Variants in CACNA1D observed in about 807,000 individuals in gnomAD.
CACNA1D encodes calcium voltage-gated channel subunit alpha1 D.
CACNA1D carries 55 observed loss-of-function variants against 257.1 expected under a neutral mutation model. The ratio of observed to expected loss-of-function variants is 0.21; its 90% CI spans 0.17 to 0.27. The LOEUF (loss-of-function observed/expected upper bound fraction) is 0.27, where lower values mean the gene tolerates loss of function less well. Among genes scored for constraint, CACNA1D ranks in the 10% least tolerant of loss-of-function variants. The pLI is 1.00. For synonymous variants in CACNA1D, 980 were observed against 1,014.9 expected (o/e 0.97, Z 0.65); for missense variants, 1,876 against 2,784.0 (o/e 0.67, Z 7.34).
chr3:53,645,861 T>C (rs1320741200), intron 3 of CACNA1D, among the ~76,000 whole-genome samples: 1 of 151,986 alleles, frequency 6.6e-6, no homozygotes, highest in Non-Finnish European at 1.5e-5. Flanking sequence ...GGAGACTGTT[T>C]TAGAAAGAAG....
At chr3:53,699,254 G>A (rs1167990922) in intron 8 of CACNA1D, among the ~76,000 whole-genome samples, 2 of 152,138 alleles carry the variant, frequency 1.3e-5, no homozygotes, top group Non-Finnish European at 2.9e-5. Context: ...ACGGGTTTGT[G>A]GCAGCTTAGA....
chr3:53,738,345 G>T (rs1483018688), intron 20 of CACNA1D, among the ~76,000 whole-genome samples: 1 of 152,188 alleles, frequency 6.6e-6, no homozygotes, highest in Non-Finnish European at 1.5e-5. Context: ...CATGGTGCGT[G>T]TTAGTGTCAA....
At chr3:53,769,713 C>G (rs1181100299) in intron 30 of CACNA1D, among the ~76,000 whole-genome samples, 1 of 152,214 alleles carries the variant, frequency 6.6e-6, no homozygotes, top group Admixed American at 6.5e-5. Context: ...GCAGCACTGC[C>G]TTTACTGGAT....
intron 9 of CACNA1D, chr3:53,710,475 C>T: frequency 2.2e-6 from 1 of 456,776 alleles, no homozygotes; most frequent in Non-Finnish European, 4.4e-6. Context: ...GGCTAAAGAT[C>T]ATGGTAAATT....
chr3:53,508,626 G>A (rs1057292193), intron 3 of CACNA1D, among the ~76,000 whole-genome samples: 5 of 152,188 alleles, frequency 3.3e-5, no homozygotes, highest in African/African-American at 9.7e-5. Context: ...GATTGCATCA[G>A]AAACAGAGAC....
chr3:53,708,281 A>G (rs2094713199), intron 9 of CACNA1D, among the ~76,000 whole-genome samples: 2 of 152,256 alleles, frequency 1.3e-5, no homozygotes, highest in Non-Finnish European at 1.5e-5. Flanking sequence ...TCAAGGCACA[A>G]GTTCAAAATG....
At position 53,802,066 on chromosome 3, in the gene CACNA1D, C is replaced by A. The variant is rs188761869; in HGVS notation, c.5409-81C>A. ...TGCTAACCCCTACTCTAGGAGGTAG[C>A]CTGATGTTTGCATTGTAAATTTGGT... On this transcript the variant is annotated intron_variant, in intron 42 of 47. Coordinates refer to ENST00000350061, the MANE Select transcript of CACNA1D (RefSeq NM_001128840.3). The A allele has an allele frequency of 4.6e-4, 560 of 1,220,686 alleles. 2 individuals carry two copies. In the African/African-American group the frequency reaches 6.8e-3, roughly 15 times the overall value. The allele number at this position is 1,220,686 out of a possible 1,614,324, so 75.6% of individuals were successfully genotyped here. A position where few individuals can be genotyped will look rare whatever the true frequency, so the allele number is the denominator to read the frequency against.
chr3:53,518,388 C>T (rs1346301614), intron 3 of CACNA1D, among the ~76,000 whole-genome samples: 1 of 152,188 alleles, frequency 6.6e-6, no homozygotes, highest in African/African-American at 2.4e-5. Context: ...AATGAAGCAT[C>T]ACTCTGTCTG....
chr3:53,632,851 C>G, intron 3 of CACNA1D, among the ~76,000 whole-genome samples: 1 of 152,138 alleles, frequency 6.6e-6, no homozygotes, highest in Admixed American at 6.5e-5. Context: ...TGTGATGTCT[C>G]CAAACAATTA....
At chr3:53,513,507 G>A (rs549095381) in intron 3 of CACNA1D, among the ~76,000 whole-genome samples, 3 of 152,182 alleles carry the variant, frequency 2.0e-5, no homozygotes, top group Non-Finnish European at 4.4e-5. Flanking sequence ...GGTGGCACAC[G>A]CCTGTGATTG....
chr3:53,550,384 C>T (rs1040633862), intron 3 of CACNA1D, among the ~76,000 whole-genome samples: 1 of 152,172 alleles, frequency 6.6e-6, no homozygotes, highest in Non-Finnish European at 1.5e-5. Context: ...AGGTCTCACT[C>T]CCTCAGCACC....
In CACNA1D at chr3:53,745,882, G is replaced by A. The variant is rs765494702; in HGVS notation, c.3167+7G>A. 2.5e-5 allele frequency: 41 copies of A among 1,609,126 alleles called. No individual in the cohort carries two copies. Among genetic ancestry groups the A allele is most frequent in the African/African-American group, 1.1e-4 (8 of 74,826 alleles). On this transcript the variant is annotated splice_region_variant and intron_variant, in intron 25 of 47. Transcript: ENST00000350061. Reference sequence around the variant, plus strand: ...GTAACCCTGAAGAATGCAGGTGAGCGTCCTGAGAGTGGAGTAGGGGACTTA... The same window carrying A: ...GTAACCCTGAAGAATGCAGGTGAGCATCCTGAGAGTGGAGTAGGGGACTTA...
rs540167958 is a variant in CACNA1D at position 53,538,393 on chromosome 3, G to C, written c.483+36673G>C. Among the ~76,000 whole-genome samples the C allele has an allele frequency of 3.0e-4, 45 of 152,118 alleles. 1 individual carries two copies. Among genetic ancestry groups the C allele is most frequent in the Non-Finnish European group, 2.4e-4 (16 of 68,026 alleles). Reference sequence around the variant, plus strand: ...GCTGGTCTCAAACTCCTCACCTCAAGTGATCCGTCCCCATCGGCCTCCCAA... The same window carrying C: ...GCTGGTCTCAAACTCCTCACCTCAACTGATCCGTCCCCATCGGCCTCCCAA... On this transcript the variant is annotated intron_variant, in intron 3 of 47. Coordinates refer to ENST00000350061, the MANE Select transcript of CACNA1D (RefSeq NM_001128840.3).
intron 8 of CACNA1D, among the ~76,000 whole-genome samples, chr3:53,686,662 A>G (rs2094475867): frequency 6.6e-6 from 1 of 152,088 alleles, no homozygotes; most frequent in Admixed American, 6.5e-5. Context: ...AGAATATGCA[A>G]AAACTTCCTC....
intron 5 of CACNA1D, 98 bp from the exon 6 acceptor site, chr3:53,665,560 CTA>C (rs1264448710): frequency 1.1e-6 from 1 of 890,660 alleles, no homozygotes; most frequent in Admixed American, 1.9e-5. Flanking sequence ...AATTTTATTA[CTA>C]TGTGTTCTAA....
chr3:53,780,568 T>C (rs919706684), intron 38 of CACNA1D, among the ~76,000 whole-genome samples: 1 of 152,194 alleles, frequency 6.6e-6, no homozygotes, highest in Admixed American at 6.5e-5. Flanking sequence ...AATGAGGTGA[T>C]GTCTGCAAAA....
chr3:53,767,621 T>C (rs2095341548), intron 30 of CACNA1D, among the ~76,000 whole-genome samples: 1 of 147,972 alleles, frequency 6.8e-6, no homozygotes, highest in Non-Finnish European at 1.5e-5. Context: ...ACGCCCCAGA[T>C]CCATTAAGTA....
Position 53,723,417 on chromosome 3 carries a change from C to T in CACNA1D, c.1667-17C>T, listed in dbSNP as rs774284860. ...TTGCAGGAGACCCTGAGGATGGGTG[C>T]CCCTTTGTCTTTCCAGATATTGCCA... On this transcript the variant is annotated splice_polypyrimidine_tract_variant and intron_variant, in intron 12 of 47. Coordinates refer to ENST00000350061, the MANE Select transcript of CACNA1D (RefSeq NM_001128840.3). The surrounding 1 kb of genome is among the most constrained non-coding windows in gnomAD (Gnocchi z 5.6). The T allele has an allele frequency of 1.3e-6, 2 of 1,598,474 alleles. No individual in the cohort carries two copies. The highest frequency in any genetic ancestry group is 1.7e-6 in the Non-Finnish European group (2 of 1,165,744).
chr3:53,740,237 T>C, intron 20 of CACNA1D, 43 bp from the exon 21 acceptor site: 1 of 1,393,452 alleles, frequency 7.2e-7, no homozygotes, highest in South Asian at 1.2e-5. Context: ...TGTCAGAGTT[T>C]GTCTGAATTC....
Sources: gnomAD v4.1 joint callset for allele counts (sites outside exome capture counted in the v4.1 genomes callset) on GRCh38, gnomAD v4.1.1 for gene constraint, Gnocchi (gnomAD v3.1) non-coding constraint, MANE v1.5 for transcripts, NCBI Gene and HGNC (gene_info 2026-07-23, HGNC 2026-07-21) for gene names.